SRCAP: variants seen among roughly 807,000 people sequenced by gnomAD.
SRCAP encodes Snf2 related CREBBP activator protein, also known as chromatin remodeling protein SRCAP.
In SRCAP, 46 loss-of-function variants were observed where a neutral mutation model predicts 263.1. That is an observed-to-expected ratio of 0.17 (90% CI 0.14 to 0.22). The LOEUF (loss-of-function observed/expected upper bound fraction) is 0.22, where lower values mean the gene tolerates loss of function less well. Among genes scored for constraint, SRCAP ranks in the 10% least tolerant of loss-of-function variants. SRCAP has a pLI of 1.00. For missense variants in SRCAP, 3,695 were observed against 4,181.9 expected (o/e 0.88, Z 3.21); for synonymous variants, 1,813 against 1,662.1 (o/e 1.09, Z -2.21).
intron 8 of SRCAP, chr16:30,710,509 G>A: frequency 9.4e-6 from 7 of 748,450 alleles, no homozygotes; most frequent in Non-Finnish European, 1.5e-5. Flanking sequence ...AAGTGCATGG[G>A]GAAGTGTTGG....
rs780477358 is a variant in SRCAP at position 30,723,104 on chromosome 16, G to A, written c.4034G>A (p.Arg1345His). 1.4e-5 allele frequency: 22 copies of A among 1,613,800 alleles called. No homozygotes were observed. The African/African-American group carries it at 1.7e-4, about 13-fold the overall frequency. The stretch of plus-strand genomic sequence containing the variant: ...GGGCTTCCAGCTGTGTTGAATCCAC[G>A]CCCCACGTTAACCCCTGGCCGGCTA... ...SSGLPAVLNP[R>H]PTLTPGRLPT... is the part of the protein sequence containing the mutation. Residue 1345 changes from arginine to histidine, a missense_variant, in exon 24 of 34, where the codon CGC (arginine) becomes CAC (histidine). Physicochemically the swap from Arg to His is conservative, Grantham distance 29. This residue lies in a region of SRCAP where 1,347 missense variants were observed against 1,304.4 expected (regional missense o/e 1.03). Transcript: ENST00000262518.
chr16:30,711,482 A>G (rs2052890383), intron 10 of SRCAP, 89 bp from the exon 11 acceptor site: 18 of 1,358,706 alleles, frequency 1.3e-5, no homozygotes, highest in Non-Finnish European at 1.7e-5. Flanking sequence ...CAGTATCTAC[A>G]GAGACCTAGG....
intron 18 of SRCAP, among the ~76,000 whole-genome samples, chr16:30,719,419 C>T (rs972913579): frequency 6.7e-6 from 1 of 149,774 alleles, no homozygotes; most frequent in South Asian, 2.1e-4. Context: ...GTTTCACCAT[C>T]TTGGCCAGGC....
In SRCAP at chr16:30,729,352, T is replaced by C; in HGVS notation, c.5925-18T>C. On this transcript the variant is annotated intron_variant, in intron 26 of 33. Coordinates refer to ENST00000262518, the MANE Select transcript of SRCAP (RefSeq NM_006662.3). ...TCAGAGTCCCATCTTTTACACTGCC[T>C]GCTTCTTCCTTTCACAGGTTCATCT... 6.2e-7 allele frequency: 1 copy of C among 1,613,836 alleles called. No homozygotes were observed. Among genetic ancestry groups the C allele is most frequent in the South Asian group, 1.1e-5 (1 of 91,070 alleles).
intron 16 of SRCAP, among the ~76,000 whole-genome samples, chr16:30,715,631 T>A (rs906685171): frequency 6.6e-6 from 1 of 152,164 alleles, no homozygotes; most frequent in African/African-American, 2.4e-5. Flanking sequence ...TTATCTCTGT[T>A]CCTTTACTTC....
At chr16:30,720,023 C>T (rs2094277729) in intron 18 of SRCAP, 139 bp from the exon 19 acceptor site, 2 of 904,910 alleles carry the variant, frequency 2.2e-6, no homozygotes, top group South Asian at 3.3e-5. Flanking sequence ...TTAGCTCCCA[C>T]TTGTGAGTGA....
At chr16:30,734,038 G>A (rs1397371064) in intron 30 of SRCAP, 30 bp downstream of exon 30, 3 of 1,552,328 alleles carry the variant, frequency 1.9e-6, no homozygotes, top group Non-Finnish European at 2.6e-6. Context: ...AGCCTATGCA[G>A]GAGAAAACTG....
chr16:30,737,682 A>C lies in SRCAP; in HGVS notation c.7642A>C (p.Arg2548=). Residue 2548 remains arginine (R), a synonymous_variant, in exon 34 of 34, where the codon AGG becomes CGG. Transcript: ENST00000262518. ...AGTCACTAATCTCCCCTTGGGCTTG[A>C]GGCCTGAGGCAGAGCTGTGTGCCCA... ...ASVTNLPLGL[R]PEAELCAQAL... 6.2e-7 allele frequency: 1 copy of C among 1,614,078 alleles called. No individual in the cohort carries two copies. Among genetic ancestry groups the C allele is most frequent in the Non-Finnish European group, 8.5e-7 (1 of 1,180,018 alleles).
intron 25 of SRCAP, chr16:30,726,117 CAT>C (rs1304939141): frequency 3.9e-5 from 6 of 152,196 alleles, no homozygotes; most frequent in Non-Finnish European, 8.8e-5. Context: ...CCTATGGAGT[CAT>C]AATGTATAAT....
At position 30,736,599 on chromosome 16, in the gene SRCAP, G is replaced by A. The variant is rs763196168; in HGVS notation, c.6983G>A (p.Ser2328Asn). The change falls in exon 33 of 34, where the codon AGC becomes AAC. Residue 2328 changes from serine to asparagine, a missense_variant. Around this residue, in one of 12 missense-constraint regions of SRCAP, gnomAD observed 91 missense variants for 150.6 expected, o/e 0.60. Coordinates refer to ENST00000262518, the MANE Select transcript of SRCAP (RefSeq NM_006662.3). ...CTGGAGGCCTCACTGGAGGAGGTGA[G>A]CCGAGAGGAGCTCAAACAGGCAGAA... ...KFLEASLEEVSREELKQAEEQ... is the reference protein window; with the variant it reads ...KFLEASLEEVNREELKQAEEQ... 1 of 1,614,216 alleles carries A rather than the reference G, an allele frequency of 6.2e-7. No individual in the cohort carries two copies. The highest frequency in any genetic ancestry group is 8.5e-7 in the Non-Finnish European group (1 of 1,180,034).
intron 4 of SRCAP, among the ~76,000 whole-genome samples, chr16:30,706,397 C>T (rs922606181): frequency 2.6e-5 from 4 of 152,074 alleles, no homozygotes; most frequent in African/African-American, 9.7e-5. Context: ...ATAACCTGAG[C>T]CTAGGCAGCA....
chr16:30,711,569 A>T lies in SRCAP; in HGVS notation c.1319-2A>T. 1.3e-6 allele frequency: 2 copies of T among 1,583,222 alleles called. No individual in the cohort carries two copies. Among genetic ancestry groups the T allele is most frequent in the Non-Finnish European group, 8.6e-7 (1 of 1,167,176 alleles). ...ACCAAAAGCTTTTTGTTTCTCTTCC[A>T]GGTGAGCTTTCCATGGAGGAGCTAT... On this transcript the variant is annotated splice_acceptor_variant, in intron 10 of 33. Coordinates refer to ENST00000262518, the MANE Select transcript of SRCAP (RefSeq NM_006662.3). LOFTEE classifies it high-confidence loss of function.
Position 30,722,440 on chromosome 16 carries a change from A to G in SRCAP, c.3707-123A>G, listed in dbSNP as rs2053020032. 4 of 1,499,584 alleles carry G rather than the reference A, an allele frequency of 2.7e-6. No individual in the cohort carries two copies. The Admixed American group carries it at 6.0e-5, about 23-fold the overall frequency. 92.9% of individuals were successfully genotyped at this position (1,499,584 alleles called of 1,614,324 possible). On this transcript the variant is annotated intron_variant, in intron 22 of 33. Transcript: ENST00000262518. ...GGTTGGAGGGATCTTGGATAAAGAT[A>G]GGGAAGAGGTCATTCTAGAGAATGT... is the stretch of plus-strand genomic sequence containing the variant.
At chr16:30,710,238 T>A in intron 8 of SRCAP, 110 bp downstream of exon 8, 1 of 1,153,766 alleles carries the variant, frequency 8.7e-7, no homozygotes, top group Non-Finnish European at 1.2e-6. Flanking sequence ...GTTCTGCTAG[T>A]AATGGACATT....
chr16:30,739,257 G>A lies in SRCAP; in HGVS notation c.9217G>A (p.Ala3073Thr), dbSNP rs752685533. 2.5e-6 allele frequency: 4 copies of A among 1,613,928 alleles called. No homozygotes were observed. The highest frequency in any genetic ancestry group is 3.4e-6 in the Non-Finnish European group (4 of 1,180,028). The change falls in exon 34 of 34, where the codon GCA becomes ACA. Residue 3073 changes from alanine to threonine, a missense_variant. Physicochemically the swap from Ala to Thr is moderately conservative, Grantham distance 58. Around this residue, in one of 12 missense-constraint regions of SRCAP, gnomAD observed 1,207 missense variants for 1,142.9 expected, o/e 1.06. Transcript: ENST00000262518. ...CCGCCTGGCCCGCCTTCGGCTTGAA[G>A]CAGAAGGAATGCGAGGACGGAAGAG... ...LTRLARLRLEAEGMRGRKSGG... is the reference protein window; with the variant it reads ...LTRLARLRLETEGMRGRKSGG...
chr16:30,721,526 C>A, intron 21 of SRCAP, 50 bp downstream of exon 21: 2 of 1,582,444 alleles, frequency 1.3e-6, no homozygotes, highest in Admixed American at 1.7e-5. Flanking sequence ...GAGGAAAGCT[C>A]AGGACCATGA....
Position 30,733,381 on chromosome 16 carries a change from C to G in SRCAP, c.6229C>G (p.Gln2077Glu), listed in dbSNP as rs148813617. ...QMTRMLDVLEQFLTYHGHLYL... is the reference protein window; with the variant it reads ...QMTRMLDVLEEFLTYHGHLYL... Reference sequence around the variant, plus strand: ...GACCCGAATGCTGGATGTATTGGAGCAGTTTCTCACCTACCATGGCCATCT... The same window carrying G: ...GACCCGAATGCTGGATGTATTGGAGGAGTTTCTCACCTACCATGGCCATCT... The change falls in exon 28 of 34, where the codon CAG becomes GAG. Residue 2077 changes from glutamine (Q) to glutamate (E), a missense_variant. This residue lies in a region of SRCAP where 138 missense variants were observed against 254.9 expected (regional missense o/e 0.54). Coordinates refer to ENST00000262518, the MANE Select transcript of SRCAP (RefSeq NM_006662.3). The surrounding 1 kb of genome is among the most constrained non-coding windows in gnomAD (Gnocchi z 5.3). 6 of 1,614,000 alleles carry G rather than the reference C, an allele frequency of 3.7e-6. No homozygotes were observed. The African/African-American group carries it at 8.0e-5, about 22-fold the overall frequency.
chr16:30,713,628 A>G lies in SRCAP; in HGVS notation c.2410A>G (p.Lys804Glu), dbSNP rs753881990. 1 of 1,614,002 alleles carries G rather than the reference A, an allele frequency of 6.2e-7. No homozygotes were observed. Among genetic ancestry groups the G allele is most frequent in the Admixed American group, 1.7e-5 (1 of 59,980 alleles). Residue 804 changes from lysine to glutamate, a missense_variant, in exon 16 of 34, where the codon AAG (lysine) becomes GAG (glutamate). By Grantham distance (56) the Lys-to-Glu change is moderately conservative. Coordinates refer to ENST00000262518, the MANE Select transcript of SRCAP (RefSeq NM_006662.3). ...TGTCTTCCAGTCTCATCGCGAGTTC[A>G]AGGAGTGGTTCTCTAATCCCCTAAC... is the stretch of plus-strand genomic sequence containing the variant. ...PHVFQSHREF[K>E]EWFSNPLTGM...
intron 18 of SRCAP, among the ~76,000 whole-genome samples, chr16:30,717,801 G>T (rs901481131): frequency 6.6e-6 from 1 of 151,538 alleles, no homozygotes; most frequent in Non-Finnish European, 1.5e-5. Context: ...TAGAGATGGG[G>T]TTTCACCATG....
Sources: gnomAD v4.1 joint callset for allele counts (sites outside exome capture counted in the v4.1 genomes callset) on GRCh38, gnomAD v4.1.1 for gene constraint, gnomAD v4.1.1 regional missense constraint, Gnocchi (gnomAD v3.1) non-coding constraint, MANE v1.5 for transcripts, NCBI Gene and HGNC (gene_info 2026-07-23, HGNC 2026-07-21) for gene names.